Variants in ATP2B2 observed in about 807,000 individuals in gnomAD.
ATP2B2 encodes ATPase plasma membrane Ca2+ transporting 2.
A neutral mutation model predicts 120.0 loss-of-function variants in ATP2B2; 15 were observed. That is an observed-to-expected ratio of 0.12 (90% CI 0.08 to 0.19). The LOEUF (loss-of-function observed/expected upper bound fraction) is 0.19, where lower values mean the gene tolerates loss of function less well. ATP2B2 is among the 10% of genes least tolerant of loss of function. ATP2B2 has a pLI of 1.00. For missense variants in ATP2B2, 1,045 were observed against 1,719.8 expected (o/e 0.61, Z 6.94); for synonymous variants, 694 against 700.3 (o/e 0.99, Z 0.14).
At chr3:10,523,578 C>T (rs1478569175) in intron 3 of ATP2B2, among the ~76,000 whole-genome samples, 2 of 152,216 alleles carry the variant, frequency 1.3e-5, no homozygotes, top group East Asian at 3.9e-4. Context: ...GTGGTGAAGG[C>T]TCCTGCTTTA....
intron 12 of ATP2B2, among the ~76,000 whole-genome samples, chr3:10,361,405 C>T (rs2060895644): frequency 6.6e-6 from 1 of 152,168 alleles, no homozygotes; most frequent in Admixed American, 6.5e-5. Flanking sequence ...CTATAGATGC[C>T]ATGATATGAA....
At chr3:10,504,915 G>C (rs538019118) in intron 1 of ATP2B2, among the ~76,000 whole-genome samples, 1 of 152,228 alleles carries the variant, frequency 6.6e-6, no homozygotes, top group African/African-American at 2.4e-5. Context: ...GACCCGGCTG[G>C]CCTGACCCAA....
At chr3:10,477,220 T>C (rs948736891) in intron 1 of ATP2B2, among the ~76,000 whole-genome samples, 31 of 152,172 alleles carry the variant, frequency 2.0e-4, no homozygotes, top group Non-Finnish European at 7.3e-5. Flanking sequence ...CCTCTTAAGA[T>C]TGGTGCTTTT....
At chr3:10,617,680 G>A (rs541162553) in intron 2 of ATP2B2, among the ~76,000 whole-genome samples, 1 of 152,344 alleles carries the variant, frequency 6.6e-6, no homozygotes, top group African/African-American at 2.4e-5. Flanking sequence ...TATTCCAGAG[G>A]GTCTGAGAGT....
chr3:10,665,738 C>A (rs899643395), intron 1 of ATP2B2, among the ~76,000 whole-genome samples: 7 of 152,216 alleles, frequency 4.6e-5, no homozygotes, highest in African/African-American at 2.4e-5. Flanking sequence ...CATCTAAGCT[C>A]CTGAAGGAGT....
chr3:10,538,241 T>G (rs2125489675), intron 2 of ATP2B2, among the ~76,000 whole-genome samples: 1 of 152,304 alleles, frequency 6.6e-6, no homozygotes, highest in African/African-American at 2.4e-5. Flanking sequence ...CTTGGTAAAA[T>G]TCTGCAGTGA....
At chr3:10,379,397 C>T (rs1224995727) in intron 8 of ATP2B2, 113 bp from the exon 9 acceptor site, 9 of 1,186,784 alleles carry the variant, frequency 7.6e-6, no homozygotes, top group Non-Finnish European at 1.1e-5. Flanking sequence ...GCGGGCCGTG[C>T]TGACTGCATC....
chr3:10,675,952 C>G (rs1483554807), intron 1 of ATP2B2, among the ~76,000 whole-genome samples: 2 of 152,248 alleles, frequency 1.3e-5, no homozygotes, highest in African/African-American at 2.4e-5. Context: ...TCATTCCCCA[C>G]TGCTCTCTCC....
At position 10,469,649 on chromosome 3, in the gene ATP2B2, A is replaced by G. The variant is rs2287444; in HGVS notation, c.-319-19787T>C. ...CAGCAGCTGTATCAGATAGCAGTGCAAGGAGACTCCAGTTTCTCTCTCTGA... is the reference window on the plus strand; with the variant it reads ...CAGCAGCTGTATCAGATAGCAGTGCGAGGAGACTCCAGTTTCTCTCTCTGA... On this transcript the variant is annotated intron_variant, in intron 1 of 22. Transcript: ENST00000360273. Among the ~76,000 whole-genome samples, 320 of 152,296 alleles carry G rather than the reference A, an allele frequency of 2.1e-3. 5 individuals are homozygous for G. In the South Asian group the frequency reaches 0.041, roughly 20 times the overall value.
chr3:10,342,686 G>C lies in ATP2B2; in HGVS notation c.2917+66C>G. The C allele has an allele frequency of 1.9e-6, 3 of 1,554,466 alleles. No homozygotes were observed. Among genetic ancestry groups the C allele is most frequent in the Middle Eastern group, 1.7e-4 (1 of 5,920 alleles). On this transcript the variant is annotated intron_variant, in intron 19 of 22. Transcript: ENST00000360273. This position sits in a 1 kb window ranked among gnomAD's most constrained non-coding sequence, Gnocchi z 4.4. ...GTTGTGACTCGAGAATGCTGGGTGA[G>C]AGCCATGGTGCACCCAGAAGGTGAT... is the stretch of plus-strand genomic sequence containing the variant.
At chr3:10,708,059 G>GC (rs1553653295), upstream of ATP2B2, 419 of 52,046 alleles carry the variant, frequency 8.1e-3, 2 homozygotes, top group African/African-American at 0.029. Context: ...CGGCCCCGCC[G>GC]CCGCCCGCCC....
chr3:10,672,584 A>G (rs1398609238), intron 1 of ATP2B2, among the ~76,000 whole-genome samples: 1 of 152,212 alleles, frequency 6.6e-6, no homozygotes, highest in Non-Finnish European at 1.5e-5. Context: ...CATCACTTGG[A>G]GCAGGACCTC....
chr3:10,383,423 G>T (rs543721847), intron 8 of ATP2B2, among the ~76,000 whole-genome samples: 15 of 152,334 alleles, frequency 9.8e-5, no homozygotes, highest in African/African-American at 3.6e-4. Context: ...ACCAGGAAGA[G>T]ATCAATTCAA....
At chr3:10,377,544 G>A (rs538788136) in intron 10 of ATP2B2, among the ~76,000 whole-genome samples, 12 of 152,342 alleles carry the variant, frequency 7.9e-5, no homozygotes, top group South Asian at 6.2e-4. Flanking sequence ...CCAGAGGGTC[G>A]GGGGCTCACT....
upstream of ATP2B2, among the ~76,000 whole-genome samples, chr3:10,506,639 C>T (rs569279738): frequency 4.6e-5 from 7 of 151,828 alleles, no homozygotes; most frequent in Admixed American, 6.6e-5. Context: ...ACTGCCCTGC[C>T]CCCTCCAGGA....
intron 1 of ATP2B2, among the ~76,000 whole-genome samples, chr3:10,647,303 G>A (rs983591851): frequency 6.6e-6 from 1 of 152,194 alleles, no homozygotes; most frequent in Admixed American, 6.5e-5. Context: ...AGTGGTGGAT[G>A]TGAGGCAGGG....
At chr3:10,443,453 C>T (rs972608422) in intron 2 of ATP2B2, among the ~76,000 whole-genome samples, 2 of 152,134 alleles carry the variant, frequency 1.3e-5, no homozygotes, top group Admixed American at 6.5e-5. Context: ...CTATAAGTGG[C>T]CCAGTGAGAG....
At chr3:10,442,217 G>A (rs552225154) in intron 2 of ATP2B2, among the ~76,000 whole-genome samples, 4 of 152,216 alleles carry the variant, frequency 2.6e-5, no homozygotes, top group South Asian at 2.1e-4. Flanking sequence ...GTGAGGCCCC[G>A]TGGAAATGCT....
chr3:10,337,318 A>G (rs1187232113), intron 22 of ATP2B2, among the ~76,000 whole-genome samples: 1 of 152,084 alleles, frequency 6.6e-6, no homozygotes, highest in Admixed American at 6.5e-5. Flanking sequence ...GGCTGCTTCT[A>G]CACTGCACTT....
Sources: gnomAD v4.1 joint callset for allele counts (sites outside exome capture counted in the v4.1 genomes callset) on GRCh38, gnomAD v4.1.1 for gene constraint, Gnocchi (gnomAD v3.1) non-coding constraint, MANE v1.5 for transcripts, NCBI Gene and HGNC (gene_info 2026-07-23, HGNC 2026-07-21) for gene names.